Variants in PTPRN2 observed in about 807,000 individuals in gnomAD.
PTPRN2 encodes the protein receptor-type tyrosine-protein phosphatase N2.
A neutral mutation model predicts 118.8 loss-of-function variants in PTPRN2; 74 were observed. The ratio of observed to expected loss-of-function variants is 0.62; its 90% confidence interval spans 0.52 to 0.76. The LOEUF (loss-of-function observed/expected upper bound fraction) is 0.76. Among genes scored for constraint, PTPRN2 ranks in the 30% least tolerant of loss-of-function variants. The pLI, the probability that PTPRN2 is intolerant of heterozygous loss-of-function variation, is 0.00. For missense variants in PTPRN2, 1,481 were observed against 1,394.4 expected, an observed-to-expected ratio of 1.06 and a Z score of -0.99; for synonymous variants, 641 against 608.0, an observed-to-expected ratio of 1.05 and a Z score of -0.80.
intron 5 of PTPRN2, among the ~76,000 whole-genome samples, chr7:158,173,581 A>C (rs947920573): frequency 1.3e-5 from 2 of 152,194 alleles, no homozygotes; most frequent in African/African-American, 4.8e-5. Context: ...TCTTAACAGG[A>C]AACAGGGTTC....
chr7:158,288,701 T>C (rs1799919029), intron 3 of PTPRN2, among the ~76,000 whole-genome samples: 1 of 152,240 alleles, frequency 6.6e-6, no homozygotes, highest in Admixed American at 6.5e-5. Context: ...GCTAAAGACT[T>C]AAGTGATTTG....
rs71541694 is a variant in PTPRN2, at chr7:157,733,909, T to C, written c.1789-50972A>G. Among the ~76,000 whole-genome samples, 45 of 36,022 alleles carry C rather than the reference T, an allele frequency of 1.2e-3. 1 individual carries two copies. Among genetic ancestry groups the C allele is most frequent in the African/African-American group, 3.4e-3 (22 of 6,502 alleles). The allele number at this position is 36,022 out of a possible 152,430, so 23.6% of individuals were successfully genotyped here. ...CATGCGCCCAGCACAGTTACCCTTT[T>C]CCGTCCCAGGCGCCCAGCACAGTTA... On this transcript the variant is annotated intron_variant, in intron 12 of 22. Transcript: ENST00000389418.
chr7:158,045,678 TGA>T lies in PTPRN2; in HGVS notation c.1723+35618_1723+35619del, dbSNP rs377471986. 2.0e-3 allele frequency among the ~76,000 whole-genome samples: 303 copies of T among 152,356 alleles called. 1 individual carries two copies. Among genetic ancestry groups the T allele is most frequent in the African/African-American group, 6.9e-3 (287 of 41,590 alleles). On this transcript the variant is annotated intron_variant, in intron 11 of 22. Transcript: ENST00000389418. ...TGCCAATAGTTGGCTAGCTAGTCAG[TGA>T]GAGACCCAGGAGCAGAACCTGTGAT...
intron 3 of PTPRN2, among the ~76,000 whole-genome samples, chr7:158,314,051 A>G (rs967333813): frequency 6.6e-6 from 1 of 152,046 alleles, no homozygotes; most frequent in Non-Finnish European, 1.5e-5. Context: ...ATGACAAGGG[A>G]GCTCAGGTGA....
intron 11 of PTPRN2, among the ~76,000 whole-genome samples, chr7:157,905,191 T>C (rs572341732): frequency 6.6e-6 from 1 of 152,346 alleles, no homozygotes; most frequent in East Asian, 1.9e-4. Flanking sequence ...AAATACCTGC[T>C]GATTCTCAGT....
At chr7:158,333,878 C>A (rs376998266) in intron 2 of PTPRN2, among the ~76,000 whole-genome samples, 7 of 145,044 alleles carry the variant, frequency 4.8e-5, no homozygotes, top group South Asian at 2.3e-4. Flanking sequence ...CACACCCACA[C>A]TCTCACCATA....
intron 1 of PTPRN2, among the ~76,000 whole-genome samples, chr7:158,523,210 A>G (rs1208021233): frequency 6.6e-6 from 1 of 151,624 alleles, no homozygotes; most frequent in Non-Finnish European, 1.5e-5. Flanking sequence ...GGGTCTGGGG[A>G]GCCCCAGTGT....
chr7:157,649,612 G>A (rs534437825), intron 14 of PTPRN2, among the ~76,000 whole-genome samples: 6 of 85,400 alleles, frequency 7.0e-5, no homozygotes, highest in African/African-American at 1.4e-4. Context: ...CACTGAACTC[G>A]GTGGGTCCGA....
At chr7:158,206,948 T>TCCCTCCC (rs1374103002) in intron 3 of PTPRN2, among the ~76,000 whole-genome samples, 2 of 105,454 alleles carry the variant, frequency 1.9e-5, no homozygotes, top group Admixed American at 1.0e-4. Flanking sequence ...CCCAATGCTA[T>TCCCTCCC]CCCTCCCCCC....
At chr7:158,238,237 C>T (rs1056523754) in intron 3 of PTPRN2, among the ~76,000 whole-genome samples, 3 of 152,226 alleles carry the variant, frequency 2.0e-5, no homozygotes, top group East Asian at 1.9e-4. Context: ...GGGGGGCATC[C>T]CTCCCTACAG....
chr7:158,145,122 C>T (rs112718162), intron 6 of PTPRN2, among the ~76,000 whole-genome samples: 51 of 110,434 alleles, frequency 4.6e-4, no homozygotes, highest in African/African-American at 6.0e-4. Flanking sequence ...CACATCATCG[C>T]GAGAAGGTTC....
chr7:157,637,367 T>C lies in PTPRN2; in HGVS notation c.2197-15858A>G, dbSNP rs573810411. On this transcript the variant is annotated intron_variant, in intron 14 of 22. Transcript: ENST00000389418. The stretch of plus-strand genomic sequence containing the variant: ...TAGGAGAAGAGCAGAATCTCTAAAG[T>C]GAACAGCAGCCCCTGTCATCCCAGC... Among the ~76,000 whole-genome samples, 14 of 152,272 alleles carry C rather than the reference T, an allele frequency of 9.2e-5. No homozygotes were observed. The South Asian group carries it at 2.5e-3, about 27-fold the overall frequency.
At chr7:157,678,861 G>T (rs927849634) in intron 13 of PTPRN2, among the ~76,000 whole-genome samples, 1 of 152,302 alleles carries the variant, frequency 6.6e-6, no homozygotes, top group East Asian at 1.9e-4. Flanking sequence ...GCTGCTCAAA[G>T]ATGATCAAAG....
chr7:158,187,331 G>A (rs1176797491), intron 5 of PTPRN2, among the ~76,000 whole-genome samples: 1 of 152,180 alleles, frequency 6.6e-6, no homozygotes, highest in South Asian at 2.1e-4. Context: ...TGGGTACATA[G>A]AAAACAATGA....
At position 157,903,100 on chromosome 7, in the gene PTPRN2, G is replaced by A. The variant is rs1401827446; in HGVS notation, c.1724-4363C>T. On this transcript the variant is annotated intron_variant, in intron 11 of 22. Transcript: ENST00000389418. The surrounding 1 kb of genome is among the most constrained non-coding windows in gnomAD (Gnocchi z 4.2). ...CGCTGCCACACACTCTCACACGGAA[G>A]CAGGAACCAGACATCATCAGAGAGC... is the stretch of plus-strand genomic sequence containing the variant. 6.6e-6 allele frequency among the ~76,000 whole-genome samples: 1 copy of A among 152,076 alleles called. No homozygotes were observed. The highest frequency in any genetic ancestry group is 2.4e-5 in the African/African-American group (1 of 41,394).
At chr7:158,249,382 C>T (rs903617001) in intron 3 of PTPRN2, among the ~76,000 whole-genome samples, 6 of 143,404 alleles carry the variant, frequency 4.2e-5, no homozygotes, top group Non-Finnish European at 9.1e-5. Flanking sequence ...TGCATACATA[C>T]ACATATCTAC....
rs1354176884 is a variant in PTPRN2 at position 157,590,082 on chromosome 7, A to G, written c.2496+5156T>C. ...CATCATATTCCAGATATCATCCCAGAATGACCAGCAGAGAGGACGGTGGAC... is the reference window on the plus strand; with the variant it reads ...CATCATATTCCAGATATCATCCCAGGATGACCAGCAGAGAGGACGGTGGAC... On this transcript the variant is annotated intron_variant, in intron 17 of 22. Transcript: ENST00000389418. This position sits in a 1 kb window ranked among gnomAD's most constrained non-coding sequence, Gnocchi z 4.0. Among the ~76,000 whole-genome samples, 1 of 152,244 alleles carries G rather than the reference A, an allele frequency of 6.6e-6. No homozygotes were observed. Among genetic ancestry groups the G allele is most frequent in the Non-Finnish European group, 1.5e-5 (1 of 68,052 alleles).
At chr7:158,136,231 T>A (rs536225314) in intron 8 of PTPRN2, among the ~76,000 whole-genome samples, 3 of 152,220 alleles carry the variant, frequency 2.0e-5, no homozygotes, top group African/African-American at 7.2e-5. Flanking sequence ...TAAATATAGG[T>A]TTAGATGGCC....
intron 2 of PTPRN2, among the ~76,000 whole-genome samples, chr7:158,361,099 T>TCCACCCA (rs1808895560): frequency 1.2e-4 from 1 of 8,138 alleles, no homozygotes; most frequent in Non-Finnish European, 2.4e-4. Context: ...ACATCCACCC[T>TCCACCCA]CACCCAGGAT....
Sources: allele counts gnomAD v4.1 joint callset (sites outside exome capture counted in the v4.1 genomes callset), GRCh38; gene constraint gnomAD v4.1.1; non-coding constraint Gnocchi (gnomAD v3.1); transcripts MANE v1.5; gene names NCBI Gene and HGNC (gene_info 2026-07-23, HGNC 2026-07-21).